Variants in FRMD4A observed in about 807,000 individuals in gnomAD.
FRMD4A encodes the protein FERM domain containing 4A.
Under a neutral mutation model 129.1 loss-of-function variants are expected in FRMD4A, and 29 were observed. That is an observed-to-expected ratio of 0.22 (90% CI 0.17 to 0.31). The LOEUF (loss-of-function observed/expected upper bound fraction) is 0.31, where lower values mean the gene tolerates loss of function less well. Ranked by LOEUF, FRMD4A falls within the 10% of genes least tolerant of loss-of-function variation. FRMD4A has a pLI of 1.00. For synonymous variants in FRMD4A, 634 were observed against 571.6 expected (o/e 1.11, Z -1.56); for missense variants, 1,272 against 1,375.8 (o/e 0.92, Z 1.19).
At chr10:14,185,364 G>A (rs1018813968) in intron 2 of FRMD4A, among the ~76,000 whole-genome samples, 17 of 152,176 alleles carry the variant, frequency 1.1e-4, no homozygotes, top group African/African-American at 3.4e-4. Flanking sequence ...AGATCTGTGT[G>A]TCTAAACCCT....
chr10:14,086,585 G>A (rs747887882), intron 2 of FRMD4A, among the ~76,000 whole-genome samples: 4 of 152,128 alleles, frequency 2.6e-5, no homozygotes, highest in Middle Eastern at 3.2e-3. Flanking sequence ...AAAAGGTAAC[G>A]GCTCTTTCCA....
Position 13,659,337 on chromosome 10 carries a change from G to A in FRMD4A, c.2052C>T (p.Tyr684=), listed in dbSNP as rs889701609. The A allele has an allele frequency of 8.7e-6, 14 of 1,613,914 alleles. No individual in the cohort carries two copies. Among genetic ancestry groups the A allele is most frequent in the Admixed American group, 5.0e-5 (3 of 60,010 alleles). ...TPDLRVRSPH[Y]VHSTRSVDIS... is the part of the protein sequence containing the mutation. ...GGCAGACTCACCTCGTGGAATGGACGTAGTGGGGACTCCGGACCCGCAGGT... is the reference window on the plus strand; with the variant it reads ...GGCAGACTCACCTCGTGGAATGGACATAGTGGGGACTCCGGACCCGCAGGT... The change falls in exon 21 of 25, where the codon TAC becomes TAT. Residue 684 remains tyrosine (Y), a synonymous_variant. Transcript: ENST00000357447.
At chr10:14,309,408 C>G (rs1338285323) in intron 2 of FRMD4A, among the ~76,000 whole-genome samples, 2 of 152,136 alleles carry the variant, frequency 1.3e-5, no homozygotes, top group Non-Finnish European at 2.9e-5. Context: ...TGTCATCATG[C>G]CACTGCACTC....
chr10:13,988,508 A>C (rs570526922), intron 2 of FRMD4A, among the ~76,000 whole-genome samples: 152 of 152,316 alleles, frequency 1.0e-3, no homozygotes, highest in Middle Eastern at 6.8e-3. Flanking sequence ...GTCACTACTA[A>C]TTTTGTCTAA....
At chr10:13,939,323 A>G (rs1232711747) in intron 2 of FRMD4A, among the ~76,000 whole-genome samples, 1 of 152,222 alleles carries the variant, frequency 6.6e-6, no homozygotes, top group Admixed American at 6.5e-5. Flanking sequence ...TGGTGAGATT[A>G]CCAATGCAAT....
At chr10:13,887,480 A>T (rs568035153) in intron 2 of FRMD4A, among the ~76,000 whole-genome samples, 4 of 152,174 alleles carry the variant, frequency 2.6e-5, no homozygotes, top group African/African-American at 9.7e-5. Context: ...GGAGATCGAG[A>T]CCATACTGGC....
At chr10:13,793,120 T>C (rs1049734179) in intron 5 of FRMD4A, among the ~76,000 whole-genome samples, 9 of 152,138 alleles carry the variant, frequency 5.9e-5, no homozygotes, top group African/African-American at 2.2e-4. Flanking sequence ...TTCTCTGACT[T>C]TCTAAAATGT....
chr10:13,884,122 T>TCACACACACTCACC lies in FRMD4A; in HGVS notation c.46-25211_46-25210insGGTGAGTGTGTGTG, dbSNP rs777007506. 3.4e-3 allele frequency among the ~76,000 whole-genome samples: 268 copies of TCACACACACTCACC among 78,252 alleles called. 6 individuals carry two copies. In the Middle Eastern group the frequency reaches 0.056, roughly 16 times the overall value. The allele number at this position is 78,252 out of a possible 152,430, so 51.3% of individuals were successfully genotyped here. A position where few individuals can be genotyped will look rare whatever the true frequency, so the allele number is the denominator to read the frequency against. ...AAAAGAAACACACACACACACACAC[T>TCACACACACTCACC]CACACACACGCTCACACACACTCTC... On this transcript the variant is annotated intron_variant, in intron 2 of 24. Coordinates refer to ENST00000357447, the MANE Select transcript of FRMD4A (RefSeq NM_018027.5).
At chr10:14,008,696 C>T (rs2292368) in intron 2 of FRMD4A, among the ~76,000 whole-genome samples, 30,624 of 152,114 alleles carry the variant, frequency 0.2, 3,509 homozygotes, top group East Asian at 0.45. Flanking sequence ...GAATCCTACA[C>T]TCTGATTTCA....
rs1430684812 is a variant in FRMD4A, at chr10:14,141,476, A to G, written c.45+188582T>C. On this transcript the variant is annotated intron_variant, in intron 2 of 24. Coordinates refer to ENST00000357447, the MANE Select transcript of FRMD4A (RefSeq NM_018027.5). The stretch of plus-strand genomic sequence containing the variant: ...ATGTGACATCATGCAATGTCATGAG[A>G]CATCATGAAACATCATGTGACACTC... 6.6e-5 allele frequency among the ~76,000 whole-genome samples: 10 copies of G among 152,234 alleles called. No individual in the cohort carries two copies. In the South Asian group the frequency reaches 1.9e-3, roughly 28 times the overall value.
chr10:13,929,261 G>C (rs1001565133), intron 2 of FRMD4A, among the ~76,000 whole-genome samples: 5 of 152,146 alleles, frequency 3.3e-5, no homozygotes, highest in Non-Finnish European at 5.9e-5. Context: ...TTCTCTTTCT[G>C]CATGGAATGC....
intron 17 of FRMD4A, 111 bp downstream of exon 17, chr10:13,670,295 A>T: frequency 9.1e-7 from 1 of 1,099,722 alleles, no homozygotes; most frequent in Non-Finnish European, 1.3e-6. Context: ...GAGCGAAAAT[A>T]CTGGCATTAG....
intron 2 of FRMD4A, among the ~76,000 whole-genome samples, chr10:14,148,946 A>G (rs1386543763): frequency 1.3e-5 from 2 of 152,178 alleles, no homozygotes; most frequent in Non-Finnish European, 2.9e-5. Context: ...CCAGACAAAT[A>G]TGGATGCTCA....
chr10:14,282,841 C>A (rs1200369446), intron 2 of FRMD4A, among the ~76,000 whole-genome samples: 1 of 152,182 alleles, frequency 6.6e-6, no homozygotes, highest in Non-Finnish European at 1.5e-5. Flanking sequence ...AAACAACCTT[C>A]TTCCTTCTGC....
At chr10:13,890,636 G>A in intron 2 of FRMD4A, 3 of 985,338 alleles carry the variant, frequency 3.0e-6, no homozygotes, top group Non-Finnish European at 3.6e-6. Context: ...CTATCTGTGA[G>A]GAGGATTCGA....
At chr10:13,738,215 C>A (rs1406628272) in intron 11 of FRMD4A, among the ~76,000 whole-genome samples, 1 of 152,110 alleles carries the variant, frequency 6.6e-6, no homozygotes, top group Non-Finnish European at 1.5e-5. Context: ...GAATGAATGC[C>A]CTGCTTGCGC....
At position 13,670,591 on chromosome 10, in the gene FRMD4A, GAA is replaced by G. The variant is rs2083433033; in HGVS notation, c.1252-65_1252-64del. The G allele has an allele frequency of 4.5e-6, 7 of 1,568,942 alleles. No individual in the cohort carries two copies. The South Asian group carries it at 4.5e-5, about 10-fold the overall frequency. On this transcript the variant is annotated intron_variant, in intron 16 of 24. Coordinates refer to ENST00000357447, the MANE Select transcript of FRMD4A (RefSeq NM_018027.5). ...CAGAGTGGGGCGTGTCTGCTTCCTA[GAA>G]CACACACACACGCACATACACGCAC...
At chr10:14,254,980 A>G (rs1844559871) in intron 2 of FRMD4A, among the ~76,000 whole-genome samples, 1 of 152,114 alleles carries the variant, frequency 6.6e-6, no homozygotes, top group South Asian at 2.1e-4. Flanking sequence ...AGACTGCTCA[A>G]CTTCCTATTA....
intron 2 of FRMD4A, among the ~76,000 whole-genome samples, chr10:14,097,690 C>T (rs1265406909): frequency 6.6e-6 from 1 of 151,200 alleles, no homozygotes; most frequent in African/African-American, 2.4e-5. Context: ...TATATATAAA[C>T]TAGTTTTAGT....
Sources: gnomAD v4.1 joint callset for allele counts (sites outside exome capture counted in the v4.1 genomes callset) on GRCh38, gnomAD v4.1.1 for gene constraint, MANE v1.5 for transcripts, NCBI Gene and HGNC (gene_info 2026-07-23, HGNC 2026-07-21) for gene names.